Variants in DLGAP4 observed in about 807,000 individuals in gnomAD.
DLGAP4 encodes DLG associated protein 4.
In DLGAP4, 18 loss-of-function variants were observed where a neutral mutation model predicts 86.9. That is an observed-to-expected ratio of 0.21 (90% CI 0.14 to 0.31). The LOEUF (loss-of-function observed/expected upper bound fraction) is 0.31. Ranked by LOEUF, DLGAP4 falls within the 10% of genes least tolerant of loss-of-function variation. The probability of loss-of-function intolerance (pLI) is 1.00; values close to 1 mark genes in which losing one functional copy is unlikely to be tolerated. For synonymous variants in DLGAP4, 548 were observed against 574.3 expected, an observed-to-expected ratio of 0.95 and a Z score of 0.65; for missense variants, 1,085 against 1,362.6, an observed-to-expected ratio of 0.80 and a Z score of 3.21.
At chr20:36,526,439 T>C (rs897875134) in intron 12 of DLGAP4, among the ~76,000 whole-genome samples, 1 of 152,084 alleles carries the variant, frequency 6.6e-6, no homozygotes, top group East Asian at 1.9e-4. Context: ...ACCGTGGCCC[T>C]GTCTAATCCC....
chr20:36,398,706 A>C (rs1172102582), intron 2 of DLGAP4, among the ~76,000 whole-genome samples: 1 of 152,212 alleles, frequency 6.6e-6, no homozygotes, highest in East Asian at 1.9e-4. Flanking sequence ...GAGGAAATGG[A>C]AACCAGAGAG....
chr20:36,494,984 G>GTTTTTTTTTTTTTT (rs752411826), intron 7 of DLGAP4, among the ~76,000 whole-genome samples: 7 of 75,390 alleles, frequency 9.3e-5, no homozygotes, highest in Non-Finnish European at 6.9e-5. Flanking sequence ...TTTTTGTTCG[G>GTTTTTTTTTTTTTT]TTTTTTTTTT....
At chr20:36,441,053 G>C (rs1432642682) in intron 5 of DLGAP4, among the ~76,000 whole-genome samples, 1 of 151,952 alleles carries the variant, frequency 6.6e-6, no homozygotes, top group East Asian at 1.9e-4. Flanking sequence ...ACTCCACCAA[G>C]TCACACCTGA....
At chr20:36,339,857 G>A (rs901874970) in intron 1 of DLGAP4, among the ~76,000 whole-genome samples, 4 of 152,284 alleles carry the variant, frequency 2.6e-5, no homozygotes, top group Middle Eastern at 6.8e-3. Context: ...GCACAGCTCC[G>A]GCAGAGGCGT....
In DLGAP4 at chr20:36,512,931, C is replaced by CTTTTTTTTTTTTTTTTTT. The variant is rs57978491; in HGVS notation, c.2513-11298_2513-11281dup. On this transcript the variant is annotated intron_variant, in intron 10 of 12. Transcript: ENST00000339266. ...TCAGATCACAGGGGTCTCAGAGGCC[C>CTTTTTTTTTTTTTTTTTT]TTTTTTTTTTTTTTTTTTTTTTTTT... Among the ~76,000 whole-genome samples, 3 of 23,530 alleles carry CTTTTTTTTTTTTTTTTTT rather than the reference C, an allele frequency of 1.3e-4. 1 individual carries two copies. The highest frequency in any genetic ancestry group is 3.0e-4 in the African/African-American group (2 of 6,734). The allele number at this position is 23,530 out of a possible 152,430, so 15.4% of individuals were successfully genotyped here. A position where few individuals can be genotyped will look rare whatever the true frequency, so the allele number is the denominator to read the frequency against.
chr20:36,349,290 C>T (rs180786427), intron 1 of DLGAP4, among the ~76,000 whole-genome samples: 11 of 151,410 alleles, frequency 7.3e-5, no homozygotes, highest in African/African-American at 2.7e-4. Context: ...TGGTGGCAGG[C>T]GCCTGTAGTC....
At chr20:36,521,308 C>CTT (rs1220745831) in intron 10 of DLGAP4, among the ~76,000 whole-genome samples, 2 of 152,204 alleles carry the variant, frequency 1.3e-5, no homozygotes, top group Non-Finnish European at 2.9e-5. Flanking sequence ...TTTTAGAACT[C>CTT]TGATAGATGC....
chr20:36,330,154 T>C (rs2065252994), intron 1 of DLGAP4, among the ~76,000 whole-genome samples: 1 of 152,250 alleles, frequency 6.6e-6, no homozygotes, highest in African/African-American at 2.4e-5. Context: ...TATATTGCTT[T>C]TGTAACAAGA....
chr20:36,330,746 G>T (rs2065259350), intron 1 of DLGAP4, among the ~76,000 whole-genome samples: 1 of 151,832 alleles, frequency 6.6e-6, no homozygotes, highest in Non-Finnish European at 1.5e-5. Context: ...CTACTTTTTT[G>T]TATTTTTAGC....
At chr20:36,337,852 G>A (rs1555892210) in intron 1 of DLGAP4, among the ~76,000 whole-genome samples, 2 of 152,210 alleles carry the variant, frequency 1.3e-5, no homozygotes, top group African/African-American at 4.8e-5. Flanking sequence ...CCTGATGGAT[G>A]TCAGCCTGCT....
chr20:36,312,365 G>A (rs908950418), intron 1 of DLGAP4, among the ~76,000 whole-genome samples: 12 of 150,028 alleles, frequency 8.0e-5, no homozygotes, highest in Non-Finnish European at 1.3e-4. Context: ...ACATGCACGC[G>A]CGAACACACG....
At chr20:36,522,152 T>A (rs1035612795) in intron 10 of DLGAP4, among the ~76,000 whole-genome samples, 3 of 152,086 alleles carry the variant, frequency 2.0e-5, no homozygotes, top group African/African-American at 7.2e-5. Context: ...CAGTCCACAC[T>A]CTTTCTTTTT....
intron 2 of DLGAP4, among the ~76,000 whole-genome samples, chr20:36,382,037 C>T (rs2031411871): frequency 6.6e-6 from 1 of 152,096 alleles, no homozygotes; most frequent in African/African-American, 2.4e-5. Flanking sequence ...GCATCCAGCA[C>T]TGGATGTTGG....
At chr20:36,318,959 C>T (rs1222596411) in intron 1 of DLGAP4, among the ~76,000 whole-genome samples, 3 of 152,002 alleles carry the variant, frequency 2.0e-5, no homozygotes, top group Non-Finnish European at 4.4e-5. Context: ...TCCTGACCAA[C>T]GAGGTGAAAC....
rs1335334972 is a variant in DLGAP4, at chr20:36,527,077, A to G, written c.*46A>G. The G allele has an allele frequency of 6.5e-7, 1 of 1,539,198 alleles. No individual in the cohort carries two copies. ...ACGATTTTAAATCATTAAAAACACA[A>G]AAACTAAGTGCGAACGGAACAGAGT... On this transcript the variant is annotated 3_prime_UTR_variant, in exon 13 of 13. Transcript: ENST00000339266.
At chr20:36,338,639 G>A (rs957485255) in intron 1 of DLGAP4, among the ~76,000 whole-genome samples, 3 of 152,236 alleles carry the variant, frequency 2.0e-5, no homozygotes, top group African/African-American at 7.2e-5. Flanking sequence ...CCGCCTGTGT[G>A]CAAGGCCCTG....
At chr20:36,358,481 A>G (rs1386788321) in intron 1 of DLGAP4, among the ~76,000 whole-genome samples, 1 of 152,222 alleles carries the variant, frequency 6.6e-6, no homozygotes, top group Non-Finnish European at 1.5e-5. Flanking sequence ...GGATTCGGCA[A>G]CTATTTCTTG....
chr20:36,469,183 G>A (rs1399245594), intron 7 of DLGAP4, among the ~76,000 whole-genome samples: 1 of 152,134 alleles, frequency 6.6e-6, no homozygotes, highest in Non-Finnish European at 1.5e-5. Context: ...GCTGCTCTGT[G>A]CCTGGCAGTG....
At chr20:36,485,262 C>T (rs1457247226) in intron 7 of DLGAP4, among the ~76,000 whole-genome samples, 1 of 151,472 alleles carries the variant, frequency 6.6e-6, no homozygotes, top group Non-Finnish European at 1.5e-5. Flanking sequence ...ATGCCTGTGG[C>T]CCCAGCTACT....
Sources: gnomAD v4.1 joint callset for allele counts (sites outside exome capture counted in the v4.1 genomes callset) on GRCh38, gnomAD v4.1.1 for gene constraint, MANE v1.5 for transcripts, NCBI Gene and HGNC (gene_info 2026-07-23, HGNC 2026-07-21) for gene names.